Variants in COL12A1 observed in about 807,000 individuals in gnomAD.
COL12A1 encodes the protein collagen alpha-1(XII) chain.
A neutral mutation model predicts 349.7 loss-of-function variants in COL12A1; 114 were observed. The observed-to-expected ratio is 0.33, with a 90% CI of 0.28 to 0.38. COL12A1 has a LOEUF of 0.38. COL12A1 is among the 10% of genes least tolerant of loss of function. The pLI, the probability that COL12A1 is intolerant of heterozygous loss-of-function variation, is 1.00. For synonymous variants in COL12A1, 1,369 were observed against 1,329.0 expected (o/e 1.03, Z -0.66); for missense variants, 3,284 against 3,756.9 (o/e 0.87, Z 3.29).
intron 2 of COL12A1, among the ~76,000 whole-genome samples, chr6:75,202,404 C>T (rs1209233583): frequency 6.6e-6 from 1 of 152,228 alleles, no homozygotes; most frequent in Non-Finnish European, 1.5e-5. Flanking sequence ...AGAGCCGTCG[C>T]CCCCTCTCGG....
rs777728742 is a variant in COL12A1 at position 75,183,611 on chromosome 6, A to G, written c.1330T>C (p.Leu444=). ...GVDIKADIVF[L]VDGSYSIGIA... ...CCAATGCTATAGGAGCCATCAACCAAAAACACAATATCGGCTTTTATATCC... is the reference window on the plus strand; with the variant it reads ...CCAATGCTATAGGAGCCATCAACCAGAAACACAATATCGGCTTTTATATCC... The change falls in exon 10 of 66, where the codon TTG becomes CTG. Residue 444 remains leucine, a synonymous_variant. Transcript: ENST00000322507. 4.3e-6 allele frequency: 7 copies of G among 1,612,994 alleles called. No homozygotes were observed. In the South Asian group the frequency reaches 7.7e-5, roughly 18 times the overall value.
chr6:75,155,846 A>T lies in COL12A1; in HGVS notation c.3259T>A (p.Phe1087Ile). Reference sequence around the variant, plus strand: ...GTTTTGAGGTTTCTAGGAGACTTAAACCGAGAAGCTGTAAAGACAAAAAGA... The same window carrying T: ...GTTTTGAGGTTTCTAGGAGACTTAATCCGAGAAGCTGTAAAGACAAAAAGA... Reference protein sequence around the residue: ...RQGSGTTASRFKSPRNLKTSD... With the variant: ...RQGSGTTASRIKSPRNLKTSD... Residue 1087 changes from phenylalanine to isoleucine, a missense_variant, in exon 16 of 66, where the codon TTT (phenylalanine) becomes ATT (isoleucine). Coordinates refer to ENST00000322507, the MANE Select transcript of COL12A1 (RefSeq NM_004370.6). 6.3e-7 allele frequency: 1 copy of T among 1,596,346 alleles called. No individual in the cohort carries two copies. The highest frequency in any genetic ancestry group is 8.5e-7 in the Non-Finnish European group (1 of 1,174,990).
chr6:75,195,645 A>G (rs951313227), intron 2 of COL12A1, among the ~76,000 whole-genome samples: 1 of 152,192 alleles, frequency 6.6e-6, no homozygotes, highest in Non-Finnish European at 1.5e-5. Flanking sequence ...AAATATATAA[A>G]TAGCGATATT....
In COL12A1 at chr6:75,128,339, A is replaced by G; in HGVS notation, c.6297T>C (p.Tyr2099=). 1.2e-6 allele frequency: 2 copies of G among 1,608,278 alleles called. No individual in the cohort carries two copies. Among genetic ancestry groups the G allele is most frequent in the Non-Finnish European group, 1.7e-6 (2 of 1,177,378 alleles). ...TTAGATGGCCACCATCTCCATCTTC[A>G]TAAACAGCAATAACAGTAATTTTAT... is the stretch of plus-strand genomic sequence containing the variant. The part of the protein sequence containing the change: ...TPYKITVIAV[Y]EDGDGGHLTG... Residue 2099 remains tyrosine (Y), a synonymous_variant, in exon 38 of 66, where the codon TAT becomes TAC. Transcript: ENST00000322507.
At position 75,085,473 on chromosome 6, in the gene COL12A1, C is replaced by T; in HGVS notation, c.*1074G>A. ...GGTGATGGCACTCCAGTCTTAATCT[C>T]ATAACTATAAATAGATAAGTTACAA... On this transcript the variant is annotated 3_prime_UTR_variant, in exon 66 of 66. Coordinates refer to ENST00000322507, the MANE Select transcript of COL12A1 (RefSeq NM_004370.6). The T allele has an allele frequency of 2.6e-6, 1 of 383,896 alleles. No individual in the cohort carries two copies. 23.8% of individuals were successfully genotyped at this position (383,896 alleles called of 1,614,324 possible). A position where few individuals can be genotyped will look rare whatever the true frequency, so the allele number is the denominator to read the frequency against.
intron 8 of COL12A1, among the ~76,000 whole-genome samples, chr6:75,184,568 G>A (rs1769508215): frequency 6.6e-6 from 1 of 152,092 alleles, no homozygotes; most frequent in Admixed American, 6.6e-5. Context: ...TCATAAAAGT[G>A]TAATCTTTAA....
At chr6:75,111,514 C>A (rs543121231) in intron 51 of COL12A1, among the ~76,000 whole-genome samples, 1 of 151,856 alleles carries the variant, frequency 6.6e-6, no homozygotes, top group South Asian at 2.1e-4. Context: ...TAACAGTTAC[C>A]AAATGGTTAT....
At chr6:75,195,768 G>A (rs1770194484) in intron 2 of COL12A1, among the ~76,000 whole-genome samples, 1 of 151,834 alleles carries the variant, frequency 6.6e-6, no homozygotes, top group Non-Finnish European at 1.5e-5. Context: ...TACTAGAAAG[G>A]GCATTTTAGA....
rs556740630 is a variant in COL12A1 at position 75,153,022 on chromosome 6, G to C, written c.3566-540C>G. Among the ~76,000 whole-genome samples, 3 of 152,220 alleles carry C rather than the reference G, an allele frequency of 2.0e-5. No individual in the cohort carries two copies. In the South Asian group the frequency reaches 6.2e-4, roughly 32 times the overall value. On this transcript the variant is annotated intron_variant, in intron 17 of 65. Coordinates refer to ENST00000322507, the MANE Select transcript of COL12A1 (RefSeq NM_004370.6). ...AATTATCTTTTCAAATAGCTAAGCT[G>C]TTAGGTAACTACCACATATATATGA...
intron 23 of COL12A1, 143 bp downstream of exon 23, chr6:75,147,532 C>T (rs1274138212): frequency 2.0e-5 from 16 of 798,448 alleles, no homozygotes; most frequent in Middle Eastern, 2.8e-4. Context: ...ATTTTCTGGG[C>T]ACCTGCACAA....
At chr6:75,157,240 C>T (rs935514307) in intron 14 of COL12A1, among the ~76,000 whole-genome samples, 4 of 152,016 alleles carry the variant, frequency 2.6e-5, no homozygotes, top group Non-Finnish European at 4.4e-5. Context: ...CTACAACATC[C>T]TATTTTTATA....
intron 11 of COL12A1, among the ~76,000 whole-genome samples, chr6:75,179,695 T>C (rs867960272): frequency 5.9e-5 from 9 of 152,232 alleles, no homozygotes; most frequent in Admixed American, 1.3e-4. Context: ...CACTATTCTT[T>C]CATGGTCTTT....
intron 59 of COL12A1, among the ~76,000 whole-genome samples, chr6:75,096,347 A>G (rs1768022128): frequency 6.6e-6 from 1 of 152,216 alleles, no homozygotes; most frequent in Non-Finnish European, 1.5e-5. Flanking sequence ...TAATAAAATT[A>G]TTTTAACATA....
At chr6:75,118,939 A>C in intron 46 of COL12A1, 104 bp downstream of exon 46, 3 of 1,497,836 alleles carry the variant, frequency 2.0e-6, no homozygotes, top group Non-Finnish European at 2.7e-6. Context: ...AGAGTGAAAC[A>C]GAAACAATAA....
chr6:75,125,483 C>A (rs1765969147), intron 39 of COL12A1, among the ~76,000 whole-genome samples: 1 of 152,126 alleles, frequency 6.6e-6, no homozygotes, highest in South Asian at 2.1e-4. Context: ...ATTCTCAAAG[C>A]ATAGCACAGT....
chr6:75,182,439 C>T (rs900065646), intron 10 of COL12A1, among the ~76,000 whole-genome samples: 1 of 151,970 alleles, frequency 6.6e-6, no homozygotes, highest in Non-Finnish European at 1.5e-5. Context: ...TCAACTCCCA[C>T]ATATGAGTGA....
chr6:75,147,890 T>G, intron 22 of COL12A1, 86 bp from the exon 23 acceptor site: 1 of 1,400,578 alleles, frequency 7.1e-7, no homozygotes, highest in Non-Finnish European at 9.7e-7. Context: ...TTAACTGCAG[T>G]GAGCTTAGAA....
intron 59 of COL12A1, among the ~76,000 whole-genome samples, chr6:75,096,812 C>T (rs925389570): frequency 7.0e-6 from 1 of 142,112 alleles, no homozygotes; most frequent in African/African-American, 2.6e-5. Context: ...AGGAGAATGG[C>T]GTGAACCCGG....
chr6:75,133,065 G>A (rs1417492626), intron 34 of COL12A1, among the ~76,000 whole-genome samples: 1 of 152,184 alleles, frequency 6.6e-6, no homozygotes, highest in African/African-American at 2.4e-5. Context: ...ATGATTATAT[G>A]TACCTTTACA....
Sources: allele counts gnomAD v4.1 joint callset (sites outside exome capture counted in the v4.1 genomes callset), GRCh38; gene constraint gnomAD v4.1.1; transcripts MANE v1.5; gene names NCBI Gene and HGNC (gene_info 2026-07-23, HGNC 2026-07-21).